Variants in KLF8 observed in about 807,000 individuals in gnomAD.
KLF8 encodes the protein KLF transcription factor 8.
Under a neutral mutation model 18.2 loss-of-function variants are expected in KLF8, and 10 were observed. The ratio of observed to expected loss-of-function variants is 0.55; its 90% confidence interval spans 0.34 to 0.93. The LOEUF (loss-of-function observed/expected upper bound fraction) is 0.93, where lower values mean the gene tolerates loss of function less well. Among genes scored for constraint, KLF8 ranks in the 40% least tolerant of loss-of-function variants. The pLI is 0.02. For synonymous variants in KLF8, 109 were observed against 97.3 expected (o/e 1.12, Z -0.71); for missense variants, 264 against 277.9 (o/e 0.95, Z 0.36).
At chrX:56,113,199 G>GAAA in the KLF8 span, among the ~76,000 whole-genome samples, 1 of 70,985 alleles carries the variant, frequency 1.4e-5, no homozygotes, top group African/African-American at 5.0e-5. Context: ...CTCCATCTCA[G>GAAA]AAAAAAAAAA....
the KLF8 span, among the ~76,000 whole-genome samples, chrX:56,153,517 T>C: frequency 1.8e-5 from 2 of 111,575 alleles, no homozygotes; most frequent in African/African-American, 6.5e-5. Context: ...TAAAAAGATA[T>C]GTACTTACAA....
At chrX:56,163,483 A>G in the KLF8 span, among the ~76,000 whole-genome samples, 2 of 111,772 alleles carry the variant, frequency 1.8e-5, no homozygotes, top group East Asian at 5.6e-4. Context: ...CCTTATAGAT[A>G]TTGGATATTA....
At chrX:55,911,794 A>G in the KLF8 span, among the ~76,000 whole-genome samples, 1 of 112,207 alleles carries the variant, frequency 8.9e-6, no homozygotes, top group Non-Finnish European at 1.9e-5. Context: ...TGAAATTTCC[A>G]CTTGTCCTTG....
the KLF8 span, among the ~76,000 whole-genome samples, chrX:56,218,016 C>T: frequency 1.8e-5 from 2 of 110,564 alleles, no homozygotes; most frequent in African/African-American, 6.6e-5. Context: ...GATGCGACTA[C>T]TGAGCAGCCA....
the KLF8 span, among the ~76,000 whole-genome samples, chrX:56,076,823 A>G: frequency 1.8e-5 from 2 of 111,717 alleles, no homozygotes; most frequent in African/African-American, 6.5e-5. Context: ...ATTTTTTAAT[A>G]ATCACCATTC....
At chrX:55,985,073 TTGTC>T in the KLF8 span, among the ~76,000 whole-genome samples, 1 of 111,258 alleles carries the variant, frequency 9.0e-6, no homozygotes, top group East Asian at 2.8e-4. Context: ...ATACTGTAGA[TTGTC>T]TGTTCACACT....
chrX:55,946,104 A>G, the KLF8 span, among the ~76,000 whole-genome samples: 2 of 111,773 alleles, frequency 1.8e-5, no homozygotes, highest in Non-Finnish European at 3.8e-5. Context: ...CAAGCTACCA[A>G]TTACTTTCTT....
the KLF8 span, among the ~76,000 whole-genome samples, chrX:56,077,135 A>C: frequency 1.8e-5 from 2 of 111,745 alleles, no homozygotes; most frequent in East Asian, 5.6e-4. Context: ...TGCAGAAGCT[A>C]TTTAATTTAA....
chrX:55,998,285 C>T, the KLF8 span, among the ~76,000 whole-genome samples: 1 of 110,787 alleles, frequency 9.0e-6, no homozygotes. Context: ...GCATGCCTTC[C>T]TCTTATACTA....
At chrX:56,223,712 T>G in the KLF8 span, among the ~76,000 whole-genome samples, 1 of 112,050 alleles carries the variant, frequency 8.9e-6, no homozygotes, top group African/African-American at 3.2e-5. Flanking sequence ...ATGTGATTAT[T>G]ATTACTAAGC....
intron 2 of KLF8, among the ~76,000 whole-genome samples, chrX:56,251,523 C>T (rs2066711917): frequency 9.0e-6 from 1 of 110,530 alleles, no homozygotes; most frequent in African/African-American, 3.3e-5. Context: ...AGTGCAGTGG[C>T]ACAATCTTGG....
At chrX:55,997,170 G>A in the KLF8 span, among the ~76,000 whole-genome samples, 1 of 111,712 alleles carries the variant, frequency 9.0e-6, no homozygotes, top group Non-Finnish European at 1.9e-5. Context: ...TATACAGTAG[G>A]GGCACTCACA....
At chrX:55,950,479 C>T in the KLF8 span, among the ~76,000 whole-genome samples, 1 of 111,806 alleles carries the variant, frequency 8.9e-6, no homozygotes, top group South Asian at 3.8e-4. Context: ...AGTTGCTCAA[C>T]ATTTCAGAAT....
chrX:56,071,895 C>T, the KLF8 span, among the ~76,000 whole-genome samples: 2 of 111,631 alleles, frequency 1.8e-5, no homozygotes, highest in Non-Finnish European at 3.8e-5. Flanking sequence ...TGTCATTAGC[C>T]TGTAATAGAC....
intron 1 of KLF8, among the ~76,000 whole-genome samples, chrX:56,246,808 A>G (rs1035768600): frequency 9.0e-6 from 1 of 111,255 alleles, no homozygotes; most frequent in African/African-American, 3.3e-5. Context: ...AGACTGATAG[A>G]CTGGGTTTAT....
chrX:56,178,402 G>T, the KLF8 span, among the ~76,000 whole-genome samples: 2 of 112,223 alleles, frequency 1.8e-5, no homozygotes, highest in Admixed American at 1.9e-4. Context: ...CACATGGGTA[G>T]ATTGCAAAAA....
At chrX:56,093,263 G>T in the KLF8 span, among the ~76,000 whole-genome samples, 1 of 110,987 alleles carries the variant, frequency 9.0e-6, no homozygotes, top group Non-Finnish European at 1.9e-5. Context: ...TCAAATTACA[G>T]AAATCAAAGA....
rs1239430469 is a variant in KLF8 at position 56,285,194 on chromosome X, C to G, written c.*700C>G. Reference sequence around the variant, plus strand: ...CTCCTCCTCTTTTTTTTCTTTTCCACTTTCTCCTTCAGGATTAAAGATTTT... The same window carrying G: ...CTCCTCCTCTTTTTTTTCTTTTCCAGTTTCTCCTTCAGGATTAAAGATTTT... On this transcript the variant is annotated 3_prime_UTR_variant, in exon 6 of 6. Coordinates refer to ENST00000468660, the MANE Select transcript of KLF8 (RefSeq NM_007250.5). 8.9e-6 allele frequency: 1 copy of G among 111,802 alleles called. No homozygotes were observed. The highest frequency in any genetic ancestry group is 1.9e-5 in the Non-Finnish European group (1 of 53,176). The allele number at this position is 111,802 out of a possible 1,213,427, so 9.2% of individuals were successfully genotyped here.
chrX:56,196,653 C>T, the KLF8 span, among the ~76,000 whole-genome samples: 170 of 111,439 alleles, frequency 1.5e-3, no homozygotes, highest in African/African-American at 5.2e-3. Flanking sequence ...TAATGGGAGA[C>T]TTTAACACTC....
Sources: gnomAD v4.1 joint callset for allele counts (sites outside exome capture counted in the v4.1 genomes callset) on GRCh38, gnomAD v4.1.1 for gene constraint, MANE v1.5 for transcripts, NCBI Gene and HGNC (gene_info 2026-07-23, HGNC 2026-07-21) for gene names.